Variants in ERICH1 observed in about 807,000 individuals in gnomAD.
ERICH1 encodes the protein glutamate rich 1, also known as glutamate-rich protein 1.
Under a neutral mutation model 39.6 loss-of-function variants are expected in ERICH1, and 56 were observed. That is an observed-to-expected ratio of 1.41 (90% CI 1.14 to 1.77). ERICH1 has a LOEUF of 1.77. Among genes scored for constraint, ERICH1 ranks in the 40% most tolerant of loss-of-function variants. The probability of loss-of-function intolerance (pLI) is 0.00; values close to 1 mark genes in which losing one functional copy is unlikely to be tolerated. For missense variants in ERICH1, 826 were observed against 575.4 expected (o/e 1.44, Z -4.45); for synonymous variants, 313 against 223.6 (o/e 1.40, Z -3.57).
At chr8:621,811 T>C (rs576737044) in intron 3 of ERICH1, among the ~76,000 whole-genome samples, 20 of 152,232 alleles carry the variant, frequency 1.3e-4, no homozygotes, top group African/African-American at 4.6e-4. Context: ...GTGAATAATA[T>C]CAACAATTAT....
intron 3 of ERICH1, among the ~76,000 whole-genome samples, chr8:635,288 G>T (rs1369934155): frequency 6.6e-6 from 1 of 152,218 alleles, no homozygotes; most frequent in East Asian, 1.9e-4. Context: ...AGAGAAAACA[G>T]GCGTCTAAGT....
In ERICH1 at chr8:671,657, G is replaced by T. The variant is rs572501597; in HGVS notation, c.1063+1632C>A. On this transcript the variant is annotated intron_variant, in intron 4 of 5. Coordinates refer to ENST00000262109, the MANE Select transcript of ERICH1 (RefSeq NM_207332.3). ...TCCCCAGGCTCCGACCTCTGAACCT[G>T]CCGGCCCCGGCCCTAATGTCTGTGC... 2.9e-5 allele frequency: 5 copies of T among 175,002 alleles called. No homozygotes were observed. In the East Asian group the frequency reaches 7.7e-4, roughly 27 times the overall value. The allele number at this position is 175,002 out of a possible 1,614,324, so 10.8% of individuals were successfully genotyped here. A position where few individuals can be genotyped will look rare whatever the true frequency, so the allele number is the denominator to read the frequency against.
In ERICH1 at chr8:643,418, G is replaced by T. The variant is rs543794627; in HGVS notation, c.976+25180C>A. 3.3e-5 allele frequency among the ~76,000 whole-genome samples: 5 copies of T among 152,164 alleles called. No homozygotes were observed. In the East Asian group the frequency reaches 9.7e-4, roughly 29 times the overall value. On this transcript the variant is annotated intron_variant, in intron 3 of 3. Coordinates refer to the ERICH1 transcript ENST00000522706. ...GCACATTCCAGCCTCTCCATGGCCC[G>T]GCTCTCATGGGATGCTCCATCCAGG...
intron 2 of ERICH1, among the ~76,000 whole-genome samples, chr8:694,785 G>A (rs536459895): frequency 6.6e-6 from 1 of 152,182 alleles, no homozygotes; most frequent in Admixed American, 6.5e-5. Context: ...TGCACAAGTT[G>A]AACGTTACAT....
intron 3 of ERICH1, among the ~76,000 whole-genome samples, chr8:642,083 G>C (rs141810703): frequency 1.6e-3 from 238 of 152,324 alleles, no homozygotes; most frequent in Non-Finnish European, 2.8e-3. Context: ...CTTAGGGAAG[G>C]CCCAGAGATG....
chr8:670,558 T>C (rs1803068855), intron 4 of ERICH1, among the ~76,000 whole-genome samples: 1 of 152,214 alleles, frequency 6.6e-6, no homozygotes, highest in African/African-American at 2.4e-5. Flanking sequence ...TGTCATCTGC[T>C]TCTGGGCTGC....
chr8:687,309 G>C (rs573638086), intron 3 of ERICH1, among the ~76,000 whole-genome samples: 255 of 152,316 alleles, frequency 1.7e-3, no homozygotes, highest in African/African-American at 6.1e-3. Context: ...TGCCTTACGG[G>C]CTGTTTTTAT....
At chr8:634,168 CA>C (rs56687918) in intron 3 of ERICH1, among the ~76,000 whole-genome samples, 16,512 of 91,814 alleles carry the variant, frequency 0.18, 957 homozygotes, top group East Asian at 0.44. Context: ...TCCTAAAACT[CA>C]AAAAAAAAAA....
intron 2 of ERICH1, among the ~76,000 whole-genome samples, chr8:702,030 T>A (rs185075241): frequency 7.3e-6 from 1 of 137,072 alleles, no homozygotes; most frequent in African/African-American, 2.8e-5. Flanking sequence ...TGAGCCAAGA[T>A]TGCACCACTG....
chr8:624,787 C>T (rs980640301), intron 3 of ERICH1, among the ~76,000 whole-genome samples: 19 of 151,970 alleles, frequency 1.3e-4, no homozygotes, highest in Admixed American at 1.2e-3. Context: ...ACTGCAGTGG[C>T]ACGATCTCGG....
At chr8:641,664 C>A (rs558808105) in intron 3 of ERICH1, among the ~76,000 whole-genome samples, 1 of 152,318 alleles carries the variant, frequency 6.6e-6, no homozygotes, top group African/African-American at 2.4e-5. Flanking sequence ...CAGTGGAGAA[C>A]GCAGCGGCCG....
chr8:654,990 C>T (rs566200609), intron 3 of ERICH1, among the ~76,000 whole-genome samples: 153 of 152,362 alleles, frequency 1.0e-3, no homozygotes, highest in African/African-American at 3.6e-3. Flanking sequence ...CGCCCTGGTG[C>T]TCACTTGGGC....
intron 3 of ERICH1, chr8:627,002 C>G (rs1006424417): frequency 2.4e-6 from 1 of 415,986 alleles, no homozygotes. Context: ...CTGGTACTCA[C>G]CAAGCTCTCG....
intron 1 of ERICH1, among the ~76,000 whole-genome samples, chr8:724,913 G>A (rs148624088): frequency 6.6e-6 from 1 of 152,186 alleles, no homozygotes; most frequent in Non-Finnish European, 1.5e-5. Context: ...CCACGAGGGA[G>A]CCACGGCTGC....
In ERICH1 at chr8:701,375, C is replaced by T. The variant is rs145087901; in HGVS notation, c.170-8763G>A. Among the ~76,000 whole-genome samples the T allele has an allele frequency of 8.4e-3, 1,270 of 151,940 alleles. 21 individuals carry two copies. Among genetic ancestry groups the T allele is most frequent in the African/African-American group, 0.029 (1,201 of 41,440 alleles). On this transcript the variant is annotated intron_variant, in intron 2 of 5. Transcript: ENST00000262109. ...GGGTCTACCCTGCTGGACGGGAGCA[C>T]GCCATACCTACGGGTCTGCCCCGCC...
intron 3 of ERICH1, among the ~76,000 whole-genome samples, chr8:618,434 G>C (rs574703919): frequency 2.6e-5 from 4 of 152,288 alleles, no homozygotes; most frequent in South Asian, 4.2e-4. Context: ...TCAGTACTCG[G>C]TGCTTGGTCT....
At chr8:636,352 A>T (rs1445653791) in intron 3 of ERICH1, among the ~76,000 whole-genome samples, 1 of 152,224 alleles carries the variant, frequency 6.6e-6, no homozygotes, top group Non-Finnish European at 1.5e-5. Flanking sequence ...TGTGGAAATC[A>T]TTGATGGTTT....
intron 2 of ERICH1, among the ~76,000 whole-genome samples, chr8:715,453 G>C (rs1169180157): frequency 6.6e-6 from 1 of 152,194 alleles, no homozygotes; most frequent in Non-Finnish European, 1.5e-5. Flanking sequence ...CAAAGACCAC[G>C]GGACAAGAAC....
At chr8:677,453 C>T (rs1219707899) in intron 3 of ERICH1, among the ~76,000 whole-genome samples, 1 of 152,198 alleles carries the variant, frequency 6.6e-6, no homozygotes, top group Non-Finnish European at 1.5e-5. Context: ...CAAGATGAAG[C>T]CGCCAAGCCT....
Sources: gnomAD v4.1 joint callset for allele counts (sites outside exome capture counted in the v4.1 genomes callset) on GRCh38, gnomAD v4.1.1 for gene constraint, MANE v1.5 for transcripts, NCBI Gene and HGNC (gene_info 2026-07-23, HGNC 2026-07-21) for gene names.